The following DMD variants were observed in gnomAD, a reference collection of about 807,000 sequenced individuals.
DMD encodes the protein mutant dystrophin.
A neutral mutation model predicts 330.1 loss-of-function variants in DMD; 63 were observed. The ratio of observed to expected loss-of-function variants is 0.19; its 90% CI spans 0.16 to 0.24. DMD has a LOEUF of 0.24. Among genes scored for constraint, DMD ranks in the 10% least tolerant of loss-of-function variants. The probability of loss-of-function intolerance (pLI) is 1.00; values close to 1 mark genes in which losing one functional copy is unlikely to be tolerated. For missense variants in DMD, 3,344 were observed against 2,684.1 expected (o/e 1.25, Z -5.43); for synonymous variants, 1,223 against 959.8 (o/e 1.27, Z -5.07).
chrX:31,266,159 C>CAAA (rs1174153877), intron 62 of DMD, among the ~76,000 whole-genome samples: 13 of 13,315 alleles, frequency 9.8e-4, no homozygotes, highest in African/African-American at 3.0e-3. Context: ...TCCCGAAGGG[C>CAAA]AAAAAAAAAA....
At chrX:32,320,939 T>G (rs2097610478) in intron 41 of DMD, among the ~76,000 whole-genome samples, 1 of 111,846 alleles carries the variant, frequency 8.9e-6, no homozygotes. Flanking sequence ...AAAACTCAAC[T>G]AATTTGTTAT....
chrX:32,874,653 G>A (rs1172975456), intron 2 of DMD, among the ~76,000 whole-genome samples: 1 of 111,552 alleles, frequency 9.0e-6, no homozygotes, highest in Non-Finnish European at 1.9e-5. Context: ...CTTAAAGCTC[G>A]GATTTGTCTT....
intron 7 of DMD, among the ~76,000 whole-genome samples, chrX:32,795,729 A>T (rs144782273): frequency 0.01 from 1,172 of 112,209 alleles, 11 homozygotes; most frequent in African/African-American, 0.036. Flanking sequence ...AGAGACTAAT[A>T]TCTAGGAAAT....
At chrX:32,847,277 A>C (rs1411141162) in intron 3 of DMD, among the ~76,000 whole-genome samples, 2 of 111,917 alleles carry the variant, frequency 1.8e-5, no homozygotes, top group Non-Finnish European at 3.8e-5. Context: ...AACCAAACAT[A>C]GTCTACTCTT....
At chrX:32,718,163 G>A (rs775863705) in intron 7 of DMD, among the ~76,000 whole-genome samples, 5 of 110,843 alleles carry the variant, frequency 4.5e-5, no homozygotes, top group African/African-American at 1.3e-4. Context: ...GGAGGGGTTG[G>A]GGCAGAACGA....
At chrX:33,146,287 A>G (rs1245466651) in intron 1 of DMD, among the ~76,000 whole-genome samples, 1 of 111,074 alleles carries the variant, frequency 9.0e-6, no homozygotes, top group Non-Finnish European at 1.9e-5. Context: ...CCACGTCCCC[A>G]GGCCCTACTA....
chrX:32,625,052 T>A (rs1247848230), intron 11 of DMD, among the ~76,000 whole-genome samples: 1 of 111,728 alleles, frequency 9.0e-6, no homozygotes, highest in African/African-American at 3.3e-5. Context: ...ATGCCTGTAG[T>A]CCCAGCTACT....
intron 52 of DMD, among the ~76,000 whole-genome samples, chrX:31,718,454 C>T (rs1186140071): frequency 9.0e-6 from 1 of 110,822 alleles, no homozygotes; most frequent in Non-Finnish European, 1.9e-5. Context: ...TGGCATCCCC[C>T]CCGCCGGCTA....
intron 44 of DMD, among the ~76,000 whole-genome samples, chrX:31,986,501 C>G (rs750954991): frequency 1.8e-5 from 2 of 111,132 alleles, no homozygotes; most frequent in East Asian, 5.7e-4. Flanking sequence ...CAACCTCTGC[C>G]TCCCGGGTTC....
At chrX:32,489,701 T>C (rs904179599) in intron 20 of DMD, among the ~76,000 whole-genome samples, 3 of 111,719 alleles carry the variant, frequency 2.7e-5, no homozygotes, top group African/African-American at 9.8e-5. Context: ...ACTTAATGTA[T>C]ATATTTTATG....
At chrX:32,603,768 T>C (rs762615856) in intron 12 of DMD, among the ~76,000 whole-genome samples, 108 of 111,008 alleles carry the variant, frequency 9.7e-4, no homozygotes, top group Non-Finnish European at 1.5e-3. Context: ...AATGAATAAA[T>C]TCCTGGATAC....
At chrX:32,256,334 A>AT (rs2097298878) in intron 43 of DMD, among the ~76,000 whole-genome samples, 1 of 103,729 alleles carries the variant, frequency 9.6e-6, no homozygotes, top group African/African-American at 3.6e-5. Flanking sequence ...ATTTTTTTTA[A>AT]TTTTTTATTT....
chrX:33,123,425 GT>G (rs370671734), intron 1 of DMD, among the ~76,000 whole-genome samples: 3,652 of 108,652 alleles, frequency 0.034, 169 homozygotes, highest in African/African-American at 0.12. Flanking sequence ...ACTTTCTTTT[GT>G]TTTTTTTTGA....
intron 47 of DMD, among the ~76,000 whole-genome samples, chrX:31,913,065 G>A (rs1274844367): frequency 8.9e-6 from 1 of 112,617 alleles, no homozygotes; most frequent in East Asian, 2.8e-4. Flanking sequence ...TTCTCAGCTG[G>A]TAGGCAGCAC....
At chrX:31,425,718 A>ACACACACACACACACACAC (rs1569540974) in intron 60 of DMD, among the ~76,000 whole-genome samples, 3 of 108,526 alleles carry the variant, frequency 2.8e-5, no homozygotes, top group East Asian at 3.3e-4. Flanking sequence ...ACACGCACAC[A>ACACACACACACACACACAC]ATACAGTTAT....
intron 44 of DMD, among the ~76,000 whole-genome samples, chrX:32,189,414 A>G (rs974167362): frequency 1.8e-5 from 2 of 110,458 alleles, no homozygotes; most frequent in African/African-American, 3.3e-5. Context: ...TTGTATTTAT[A>G]AAATTTTATT....
intron 13 of DMD, among the ~76,000 whole-genome samples, chrX:32,580,985 C>A (rs1228502955): frequency 9.0e-6 from 1 of 110,719 alleles, no homozygotes; most frequent in Non-Finnish European, 1.9e-5. Flanking sequence ...AGACACCACA[C>A]CTGGCTCTTT....
intron 2 of DMD, among the ~76,000 whole-genome samples, chrX:32,922,160 G>C: frequency 9.3e-6 from 1 of 107,426 alleles, no homozygotes; most frequent in South Asian, 4.2e-4. Context: ...AGATAGGTTT[G>C]AAAGCCCTGA....
chrX:33,119,909 T>C (rs1214495527), intron 1 of DMD, among the ~76,000 whole-genome samples: 1 of 111,782 alleles, frequency 8.9e-6, no homozygotes, highest in Non-Finnish European at 1.9e-5. Flanking sequence ...CTTACTGGGC[T>C]ATCTGGTCCA....
Sources: allele counts gnomAD v4.1 joint callset (sites outside exome capture counted in the v4.1 genomes callset), GRCh38; gene constraint gnomAD v4.1.1; transcripts MANE v1.5; gene names NCBI Gene and HGNC (gene_info 2026-07-23, HGNC 2026-07-21).